AUTS2: variants seen among roughly 807,000 people sequenced by gnomAD.
AUTS2 encodes activator of transcription and developmental regulator AUTS2, also known as autism susceptibility gene 2 protein.
In AUTS2, 17 loss-of-function variants were observed where a neutral mutation model predicts 112.4. The ratio of observed to expected loss-of-function variants is 0.15; its 90% confidence interval spans 0.10 to 0.23. AUTS2 has a LOEUF of 0.23. AUTS2 is among the 10% of genes least tolerant of loss of function. The pLI, the probability that AUTS2 is intolerant of heterozygous loss-of-function variation, is 1.00. For synonymous variants in AUTS2, 751 were observed against 702.7 expected, an observed-to-expected ratio of 1.07 and a Z score of -1.09; for missense variants, 1,510 against 1,701.6, an observed-to-expected ratio of 0.89 and a Z score of 1.98.
At chr7:70,354,470 G>A (rs1562902941) in intron 4 of AUTS2, among the ~76,000 whole-genome samples, 1 of 152,140 alleles carries the variant, frequency 6.6e-6, no homozygotes, top group African/African-American at 2.4e-5. Context: ...TTAGCTTTTC[G>A]CATGGATTAT....
chr7:70,541,233 G>T (rs1295553391), intron 5 of AUTS2, among the ~76,000 whole-genome samples: 3 of 152,110 alleles, frequency 2.0e-5, no homozygotes, highest in African/African-American at 7.2e-5. Flanking sequence ...TTCTAGACAT[G>T]TTCTGATTTG....
chr7:70,700,162 T>C (rs1413089911), intron 6 of AUTS2, among the ~76,000 whole-genome samples: 1 of 152,150 alleles, frequency 6.6e-6, no homozygotes, highest in Non-Finnish European at 1.5e-5. Flanking sequence ...CCCCTTTTTT[T>C]CCTTTTCCAA....
At chr7:70,407,914 C>T (rs557974250) in intron 4 of AUTS2, among the ~76,000 whole-genome samples, 45 of 152,004 alleles carry the variant, frequency 3.0e-4, no homozygotes, top group Non-Finnish European at 2.1e-4. Flanking sequence ...ATTAGCCAGG[C>T]GTGGTGGCAG....
chr7:69,773,339 C>T (rs553298771), intron 1 of AUTS2, among the ~76,000 whole-genome samples: 2 of 151,244 alleles, frequency 1.3e-5, no homozygotes, highest in South Asian at 2.1e-4. Context: ...GCCAACGTGG[C>T]GAAACACAAT....
intron 4 of AUTS2, among the ~76,000 whole-genome samples, chr7:70,187,324 TGATA>T (rs1257505155): frequency 1.3e-5 from 2 of 152,218 alleles, no homozygotes; most frequent in African/African-American, 2.4e-5. Context: ...TCTGAGATAT[TGATA>T]GATATTTATA....
At chr7:70,159,145 C>G (rs1375690746) in intron 4 of AUTS2, among the ~76,000 whole-genome samples, 1 of 152,160 alleles carries the variant, frequency 6.6e-6, no homozygotes, top group African/African-American at 2.4e-5. Context: ...TTGGGAGATT[C>G]CATTTTTTAA....
At chr7:69,798,278 T>C (rs1164722899) in intron 1 of AUTS2, among the ~76,000 whole-genome samples, 1 of 152,164 alleles carries the variant, frequency 6.6e-6, no homozygotes, top group Non-Finnish European at 1.5e-5. Flanking sequence ...TTTACTCATT[T>C]TACACATGAG....
At position 69,809,294 on chromosome 7, in the gene AUTS2, G is replaced by C. The variant is rs374924597; in HGVS notation, c.310-89992G>C. On this transcript the variant is annotated intron_variant, in intron 1 of 18. Transcript: ENST00000342771. ...GGGGTTTCACTGTGTTAGCCAGGAT[G>C]GTCTCCATCTCCTGACCTCGTGATC... Among the ~76,000 whole-genome samples the C allele has an allele frequency of 1.4e-4, 22 of 151,986 alleles. No individual in the cohort carries two copies. In the East Asian group the frequency reaches 4.1e-3, roughly 28 times the overall value.
intron 4 of AUTS2, among the ~76,000 whole-genome samples, chr7:70,363,947 T>C (rs1195349487): frequency 2.0e-5 from 3 of 152,190 alleles, no homozygotes; most frequent in African/African-American, 7.2e-5. Context: ...TTTTAGTAGA[T>C]TGCAAACTAC....
At chr7:70,109,484 ATTC>A (rs1316913932) in intron 2 of AUTS2, among the ~76,000 whole-genome samples, 2 of 152,068 alleles carry the variant, frequency 1.3e-5, no homozygotes, top group South Asian at 2.1e-4. Flanking sequence ...GTACATTTCT[ATTC>A]TTGTACATCT....
At chr7:70,540,612 G>A (rs1800515824) in intron 5 of AUTS2, among the ~76,000 whole-genome samples, 1 of 152,138 alleles carries the variant, frequency 6.6e-6, no homozygotes, top group Non-Finnish European at 1.5e-5. Flanking sequence ...CTCCCCACTT[G>A]GGTTTCCATC....
At chr7:69,789,509 ACT>A (rs2129324186) in intron 1 of AUTS2, among the ~76,000 whole-genome samples, 1 of 152,086 alleles carries the variant, frequency 6.6e-6, no homozygotes, top group Non-Finnish European at 1.5e-5. Flanking sequence ...TTCTCTTAGA[ACT>A]CTGAGACTTG....
In AUTS2 at chr7:70,126,110, C is replaced by T. The variant is rs575660272; in HGVS notation, c.624+7877C>T. Among the ~76,000 whole-genome samples the T allele has an allele frequency of 5.9e-5, 9 of 152,172 alleles. No individual in the cohort carries two copies. In the East Asian group the frequency reaches 1.4e-3, roughly 23 times the overall value. On this transcript the variant is annotated intron_variant, in intron 3 of 18. Coordinates refer to ENST00000342771, the MANE Select transcript of AUTS2 (RefSeq NM_015570.4). ...GTGTAGCTGTATAATTTGACTCATG[C>T]GTAAAGCTTAAAAACACCAAATATG... is the stretch of plus-strand genomic sequence containing the variant.
intron 1 of AUTS2, among the ~76,000 whole-genome samples, chr7:69,840,848 CA>C (rs1791946724): frequency 6.6e-6 from 1 of 152,046 alleles, no homozygotes; most frequent in South Asian, 2.1e-4. Flanking sequence ...TGGATGCTAC[CA>C]AATAAAATAT....
intron 2 of AUTS2, among the ~76,000 whole-genome samples, chr7:69,982,142 A>AT (rs1798320659): frequency 6.6e-6 from 1 of 152,156 alleles, no homozygotes; most frequent in Non-Finnish European, 1.5e-5. Flanking sequence ...TCCTGAAAAC[A>AT]TTTTTGTTTG....
intron 6 of AUTS2, among the ~76,000 whole-genome samples, chr7:70,722,291 CTG>C (rs66632906): frequency 0.18 from 27,108 of 151,982 alleles, 2,434 homozygotes; most frequent in East Asian, 0.24. Context: ...CATTTTCAGT[CTG>C]TGTTCACACT....
intron 5 of AUTS2, among the ~76,000 whole-genome samples, chr7:70,633,422 G>T (rs1419309991): frequency 6.6e-6 from 1 of 152,124 alleles, no homozygotes; most frequent in African/African-American, 2.4e-5. Context: ...GACCAGCCTG[G>T]CCAACATGGT....
intron 6 of AUTS2, among the ~76,000 whole-genome samples, chr7:70,716,734 A>G (rs962568160): frequency 9.4e-5 from 14 of 149,664 alleles, no homozygotes; most frequent in African/African-American, 2.9e-4. Flanking sequence ...CTGGGGTGGA[A>G]GATCCTGGTG....
At chr7:69,879,880 G>C (rs991281363) in intron 1 of AUTS2, among the ~76,000 whole-genome samples, 2 of 152,178 alleles carry the variant, frequency 1.3e-5, no homozygotes, top group Non-Finnish European at 2.9e-5. Flanking sequence ...GGTTGCTGCA[G>C]CCTTGACTTC....
Sources: allele counts gnomAD v4.1 joint callset (sites outside exome capture counted in the v4.1 genomes callset), GRCh38; gene constraint gnomAD v4.1.1; transcripts MANE v1.5; gene names NCBI Gene and HGNC (gene_info 2026-07-23, HGNC 2026-07-21).